The following MAD1L1 variants were observed in gnomAD, a reference collection of about 807,000 sequenced individuals.
The protein encoded by MAD1L1 is mitotic arrest deficient 1 like 1, also known as mitotic spindle assembly checkpoint protein MAD1.
Under a neutral mutation model 96.9 loss-of-function variants are expected in MAD1L1, and 95 were observed. That is an observed-to-expected ratio of 0.98 (90% CI 0.83 to 1.16). The LOEUF (loss-of-function observed/expected upper bound fraction) is 1.16. MAD1L1 is among the 50% of genes most tolerant of loss of function. The pLI is 0.00. For missense variants in MAD1L1, 1,007 were observed against 954.4 expected (o/e 1.06, Z -0.73); for synonymous variants, 473 against 396.6 (o/e 1.19, Z -2.29).
chr7:2,095,066 A>G (rs1436746401), intron 11 of MAD1L1, among the ~76,000 whole-genome samples: 95 of 151,894 alleles, frequency 6.3e-4, no homozygotes, highest in Non-Finnish European at 1.8e-4. Flanking sequence ...TTTTTGAGGC[A>G]GAGTCTCGCT....
At chr7:2,209,495 C>T (rs76922925) in intron 10 of MAD1L1, among the ~76,000 whole-genome samples, 2 of 152,186 alleles carry the variant, frequency 1.3e-5, no homozygotes, top group Non-Finnish European at 2.9e-5. Flanking sequence ...GAAGCGCCCC[C>T]CTGAAGGCAG....
At chr7:1,964,092 G>A (rs1459821358) in intron 15 of MAD1L1, among the ~76,000 whole-genome samples, 1 of 152,208 alleles carries the variant, frequency 6.6e-6, no homozygotes, top group Non-Finnish European at 1.5e-5. Flanking sequence ...CACAGAGCTG[G>A]TAAGGGGCCT....
chr7:1,881,973 C>T (rs759235075), intron 18 of MAD1L1, among the ~76,000 whole-genome samples: 2 of 152,202 alleles, frequency 1.3e-5, no homozygotes, highest in South Asian at 2.1e-4. Context: ...CAGGCTTGCC[C>T]GTGTCCTTGG....
Position 1,936,805 on chromosome 7 carries a change from C to T in MAD1L1, c.1689G>A (p.Gln563=). 1 of 1,596,064 alleles carries T rather than the reference C, an allele frequency of 6.3e-7. No homozygotes were observed. The highest frequency in any genetic ancestry group is 8.5e-7 in the Non-Finnish European group (1 of 1,172,294). The change falls in exon 17 of 19, where the codon CAG becomes CAA. Residue 563 remains glutamine, a synonymous_variant. Transcript: ENST00000265854. ...ARQRLREDHS[Q]LQAECERLRG... ...GCAGTCGCTCGCACTCCGCCTGCAG[C>T]TGGCTGTGGTCCTCGCGCAGGCGCT...
At chr7:2,073,004 C>A (rs1401047594) in intron 11 of MAD1L1, among the ~76,000 whole-genome samples, 3 of 152,204 alleles carry the variant, frequency 2.0e-5, no homozygotes, top group African/African-American at 7.2e-5. Context: ...AGGACCAGGG[C>A]TCAGTGCAAT....
rs944061925 is a variant in MAD1L1 at position 2,214,028 on chromosome 7, C to T, written c.925-755G>A. Among the ~76,000 whole-genome samples the T allele has an allele frequency of 8.5e-5, 13 of 152,400 alleles. No individual in the cohort carries two copies. The East Asian group carries it at 1.7e-3, about 20-fold the overall frequency. The stretch of plus-strand genomic sequence containing the variant: ...TCACAGCCCCTCCTATGCGCAGGCA[C>T]GCACTTGACTAGTAACTATATGACA... On this transcript the variant is annotated intron_variant, in intron 9 of 18. Transcript: ENST00000265854.
chr7:2,160,546 G>T (rs1790055543), intron 10 of MAD1L1, among the ~76,000 whole-genome samples: 1 of 151,508 alleles, frequency 6.6e-6, no homozygotes, highest in African/African-American at 2.4e-5. Context: ...TGTTAGCCAG[G>T]ATGGTCTCGA....
intron 18 of MAD1L1, among the ~76,000 whole-genome samples, chr7:1,864,356 G>GGAC (rs1784674443): frequency 6.6e-6 from 1 of 152,200 alleles, no homozygotes; most frequent in African/African-American, 2.4e-5. Flanking sequence ...GACGGGACTC[G>GGAC]GGGGAACTTG....
chr7:2,004,775 A>C (rs766169240), intron 13 of MAD1L1, among the ~76,000 whole-genome samples: 1 of 152,242 alleles, frequency 6.6e-6, no homozygotes, highest in Non-Finnish European at 1.5e-5. Context: ...TTCATTCACA[A>C]GCGGCTCATC....
intron 12 of MAD1L1, among the ~76,000 whole-genome samples, chr7:2,057,644 T>C (rs1477050937): frequency 6.6e-6 from 1 of 152,162 alleles, no homozygotes. Flanking sequence ...ATGCTTTGTA[T>C]GCGTTAAATC....
At chr7:2,195,440 C>G (rs559799223) in intron 10 of MAD1L1, among the ~76,000 whole-genome samples, 1 of 152,260 alleles carries the variant, frequency 6.6e-6, no homozygotes, top group South Asian at 2.1e-4. Flanking sequence ...CTAGAAAGAG[C>G]AAATGGGAAT....
intron 13 of MAD1L1, among the ~76,000 whole-genome samples, chr7:2,013,048 C>CATG (rs1302242211): frequency 6.6e-6 from 1 of 152,256 alleles, no homozygotes; most frequent in African/African-American, 2.4e-5. Flanking sequence ...TAACATCCCA[C>CATG]ATGAATTATG....
At chr7:1,848,864 C>T (rs6964485) in intron 18 of MAD1L1, 11,337 of 154,476 alleles carry the variant, frequency 0.073, 1,329 homozygotes, top group African/African-American at 0.25. Flanking sequence ...TTGTGTGCCC[C>T]CCACCACCAA....
intron 16 of MAD1L1, among the ~76,000 whole-genome samples, chr7:1,951,433 C>T (rs1387150734): frequency 2.0e-5 from 3 of 152,212 alleles, no homozygotes; most frequent in Non-Finnish European, 2.9e-5. Context: ...TGTGGTGAAA[C>T]GCACGTGACA....
intron 11 of MAD1L1, among the ~76,000 whole-genome samples, chr7:2,137,818 A>T (rs1211405537): frequency 6.6e-6 from 1 of 152,188 alleles, no homozygotes; most frequent in Admixed American, 6.5e-5. Context: ...CTGGCCCTGG[A>T]GGCTCCAAAG....
chr7:2,124,458 C>G (rs1282593883), intron 11 of MAD1L1, among the ~76,000 whole-genome samples: 1 of 152,204 alleles, frequency 6.6e-6, no homozygotes, highest in Non-Finnish European at 1.5e-5. Context: ...GAAGGCCTGC[C>G]TGCTACCAGG....
intron 7 of MAD1L1, among the ~76,000 whole-genome samples, chr7:2,217,495 A>AG: frequency 6.6e-6 from 1 of 152,318 alleles, no homozygotes; most frequent in East Asian, 1.9e-4. Flanking sequence ...GCCAGAGCAC[A>AG]GGGTCTGGAG....
intron 10 of MAD1L1, among the ~76,000 whole-genome samples, chr7:2,150,049 G>A (rs1486059298): frequency 6.6e-6 from 1 of 152,192 alleles, no homozygotes; most frequent in Non-Finnish European, 1.5e-5. Flanking sequence ...CCAAGCGCAG[G>A]TCCACATAGA....
At chr7:1,892,282 A>T (rs557687932) in intron 18 of MAD1L1, among the ~76,000 whole-genome samples, 1 of 152,244 alleles carries the variant, frequency 6.6e-6, no homozygotes, top group Non-Finnish European at 1.5e-5. Flanking sequence ...CGTACAAGTC[A>T]TTCTAGGAAG....
Sources: gnomAD v4.1 joint callset for allele counts (sites outside exome capture counted in the v4.1 genomes callset) on GRCh38, gnomAD v4.1.1 for gene constraint, MANE v1.5 for transcripts, NCBI Gene and HGNC (gene_info 2026-07-23, HGNC 2026-07-21) for gene names.